PDZK1: variants seen among roughly 807,000 people sequenced by gnomAD.
PDZK1 encodes Na(+)/H(+) exchange regulatory cofactor NHE-RF3.
In PDZK1, 23 loss-of-function variants were observed where a neutral mutation model predicts 38.1. The ratio of observed to expected loss-of-function variants is 0.60; its 90% CI spans 0.43 to 0.85. The LOEUF (loss-of-function observed/expected upper bound fraction) is 0.85. PDZK1 is among the 40% of genes least tolerant of loss of function. The pLI is 0.00. For missense variants in PDZK1, 297 were observed against 504.3 expected (o/e 0.59, Z 3.94); for synonymous variants, 98 against 186.2 (o/e 0.53, Z 3.86).
At chr1:145,701,582 T>A (rs2101936135) in intron 1 of PDZK1, among the ~76,000 whole-genome samples, 1 of 152,228 alleles carries the variant, frequency 6.6e-6, no homozygotes, top group Admixed American at 6.5e-5. Context: ...ATACAGTTGG[T>A]GGAGACTGTG....
At chr1:145,696,794 T>C (rs1553704205) in intron 1 of PDZK1, among the ~76,000 whole-genome samples, 1 of 152,100 alleles carries the variant, frequency 6.6e-6, no homozygotes, top group Non-Finnish European at 1.5e-5. Flanking sequence ...CTGGCAGAAA[T>C]GTGATGCCAT....
chr1:145,678,922 T>C (rs1436944385), intron 5 of PDZK1, among the ~76,000 whole-genome samples: 1 of 150,580 alleles, frequency 6.6e-6, no homozygotes, highest in East Asian at 1.9e-4. Flanking sequence ...ACATTTGATT[T>C]TGGCAAAATA....
chr1:145,703,406 G>C (rs797040102), intron 1 of PDZK1, among the ~76,000 whole-genome samples: 3 of 152,184 alleles, frequency 2.0e-5, no homozygotes, highest in African/African-American at 7.2e-5. Flanking sequence ...CTCCCTACTA[G>C]GATTAGGAAC....
At chr1:145,675,704 AGT>A (rs1188869027) in intron 6 of PDZK1, among the ~76,000 whole-genome samples, 1 of 152,174 alleles carries the variant, frequency 6.6e-6, no homozygotes, top group Non-Finnish European at 1.5e-5. Flanking sequence ...CTCGAGGCAA[AGT>A]GCAATAACAT....
At chr1:145,697,921 A>G (rs1553704426) in intron 1 of PDZK1, among the ~76,000 whole-genome samples, 3 of 151,714 alleles carry the variant, frequency 2.0e-5, no homozygotes, top group African/African-American at 7.3e-5. Flanking sequence ...CCCAGCCTGG[A>G]TGTTTTTATT....
chr1:145,696,189 G>A (rs1236408595), intron 1 of PDZK1, among the ~76,000 whole-genome samples: 3 of 152,226 alleles, frequency 2.0e-5, no homozygotes, highest in South Asian at 2.1e-4. Flanking sequence ...GCTCCTCTTA[G>A]TCCAGGGGTT....
At chr1:145,689,479 C>T (rs1326957896) in intron 1 of PDZK1, among the ~76,000 whole-genome samples, 1 of 152,206 alleles carries the variant, frequency 6.6e-6, no homozygotes, top group East Asian at 1.9e-4. Flanking sequence ...GTAAAACCGA[C>T]AGCTAGGGCT....
intron 1 of PDZK1, among the ~76,000 whole-genome samples, chr1:145,694,611 A>G (rs1553703846): frequency 6.6e-6 from 1 of 152,134 alleles, no homozygotes; most frequent in African/African-American, 2.4e-5. Flanking sequence ...TAGAACAAAA[A>G]TAACTTGCCG....
At chr1:145,703,129 T>C (rs1246850241) in intron 1 of PDZK1, among the ~76,000 whole-genome samples, 1 of 152,192 alleles carries the variant, frequency 6.6e-6, no homozygotes, top group African/African-American at 2.4e-5. Flanking sequence ...AAATTTTAGA[T>C]TATATACGAA....
chr1:145,694,082 G>A lies in PDZK1; in HGVS notation c.-2-6059C>T, dbSNP rs368972645. Among the ~76,000 whole-genome samples, 12 of 152,240 alleles carry A rather than the reference G, an allele frequency of 7.9e-5. No individual in the cohort carries two copies. The South Asian group carries it at 2.1e-3, about 26-fold the overall frequency. Reference sequence around the variant, plus strand: ...CCTCCCCAAGTTCTAGTTCTGAGTCGGGGGAGCATAGAACCAAGCAGATAA... The same window carrying A: ...CCTCCCCAAGTTCTAGTTCTGAGTCAGGGGAGCATAGAACCAAGCAGATAA... On this transcript the variant is annotated intron_variant, in intron 1 of 8. Coordinates refer to ENST00000417171, the MANE Select transcript of PDZK1 (RefSeq NM_001201325.2).
chr1:145,680,331 T>C (rs1421557041), intron 5 of PDZK1, among the ~76,000 whole-genome samples: 1 of 152,136 alleles, frequency 6.6e-6, no homozygotes, highest in Non-Finnish European at 1.5e-5. Flanking sequence ...TAACAACTTA[T>C]GGGCGAATAG....
intron 3 of PDZK1, among the ~76,000 whole-genome samples, chr1:145,682,883 T>C (rs1334737467): frequency 1.3e-5 from 2 of 152,200 alleles, no homozygotes; most frequent in Non-Finnish European, 2.9e-5. Context: ...GGAGCACATA[T>C]ACCCTTTCCC....
At chr1:145,671,747 C>T (rs1653078849) in intron 8 of PDZK1, 3 of 404,528 alleles carry the variant, frequency 7.4e-6, no homozygotes, top group Non-Finnish European at 1.4e-5. Context: ...GAATTCTACA[C>T]TTGATTGTTT....
intron 1 of PDZK1, among the ~76,000 whole-genome samples, chr1:145,700,209 G>A (rs587689402): frequency 6.6e-6 from 1 of 152,240 alleles, no homozygotes; most frequent in South Asian, 2.1e-4. Context: ...GAAAAGTCAG[G>A]GCTGGAGATT....
rs1422678657 is a variant in PDZK1, at chr1:145,681,578, G to A, written c.598-471C>T. Among the ~76,000 whole-genome samples, 22 of 143,834 alleles carry A rather than the reference G, an allele frequency of 1.5e-4. 1 individual carries two copies. Among genetic ancestry groups the A allele is most frequent in the Admixed American group, 3.4e-4 (5 of 14,606 alleles). The allele number at this position is 143,834 out of a possible 152,430, so 94.4% of individuals were successfully genotyped here. A position where few individuals can be genotyped will look rare whatever the true frequency, so the allele number is the denominator to read the frequency against. On this transcript the variant is annotated intron_variant, in intron 4 of 8. Coordinates refer to ENST00000417171, the MANE Select transcript of PDZK1 (RefSeq NM_001201325.2). The stretch of plus-strand genomic sequence containing the variant: ...GCTGGGATTACAGGCGTGAGCCACC[G>A]CGCCCGGCCCCTATCTCCACTTCTA...
intron 1 of PDZK1, among the ~76,000 whole-genome samples, chr1:145,699,497 G>A (rs1655832770): frequency 6.6e-6 from 1 of 152,152 alleles, no homozygotes; most frequent in Admixed American, 6.6e-5. Flanking sequence ...AGACTGTGGG[G>A]CCAACATGAA....
intron 5 of PDZK1, among the ~76,000 whole-genome samples, chr1:145,678,939 TA>T (rs1653978849): frequency 1.3e-5 from 2 of 150,776 alleles, no homozygotes; most frequent in South Asian, 4.2e-4. Flanking sequence ...AATAGCATAT[TA>T]AAAGGCTGCA....
At chr1:145,676,650 C>T (rs1398241826) in intron 6 of PDZK1, among the ~76,000 whole-genome samples, 3 of 147,366 alleles carry the variant, frequency 2.0e-5, no homozygotes, top group South Asian at 2.2e-4. Context: ...CGCTTGAACC[C>T]GGGAGGTGGA....
intron 4 of PDZK1, among the ~76,000 whole-genome samples, chr1:145,681,408 G>A (rs1300165763): frequency 4.7e-5 from 7 of 147,734 alleles, no homozygotes; most frequent in East Asian, 2.0e-4. Flanking sequence ...TCAGCCTCCC[G>A]AGTACCTGGG....
Sources: allele counts gnomAD v4.1 joint callset (sites outside exome capture counted in the v4.1 genomes callset), GRCh38; gene constraint gnomAD v4.1.1; transcripts MANE v1.5; gene names NCBI Gene and HGNC (gene_info 2026-07-23, HGNC 2026-07-21).